The following LIMS1 variants were observed in gnomAD, a reference collection of about 807,000 sequenced individuals.
The protein encoded by LIMS1 is LIM zinc finger domain containing 1.
A neutral mutation model predicts 44.1 loss-of-function variants in LIMS1; 18 were observed. The observed-to-expected ratio is 0.41, with a 90% confidence interval of 0.28 to 0.61. The LOEUF is 0.61. Among genes scored for constraint, LIMS1 ranks in the 20% least tolerant of loss-of-function variants. The pLI, the probability that LIMS1 is intolerant of heterozygous loss-of-function variation, is 0.32. For synonymous variants in LIMS1, 93 were observed against 149.1 expected, an observed-to-expected ratio of 0.62 and a Z score of 2.74; for missense variants, 201 against 422.0, an observed-to-expected ratio of 0.48 and a Z score of 4.59.
At chr2:108,561,117 G>A (rs985395966) in intron 1 of LIMS1, among the ~76,000 whole-genome samples, 1 of 152,214 alleles carries the variant, frequency 6.6e-6, no homozygotes, top group Non-Finnish European at 1.5e-5. Context: ...ACTCTCAGTT[G>A]TGTTGGTATT....
intron 1 of LIMS1, among the ~76,000 whole-genome samples, chr2:108,610,070 G>C (rs1687504921): frequency 6.6e-6 from 1 of 152,120 alleles, no homozygotes; most frequent in Admixed American, 6.5e-5. Flanking sequence ...GTGAACCTGG[G>C]AGGTGGAGCT....
intron 1 of LIMS1, chr2:108,621,548 T>C: frequency 1.1e-6 from 1 of 924,288 alleles, no homozygotes; most frequent in Non-Finnish European, 1.7e-6. Flanking sequence ...GATGCAGCGT[T>C]GGGAAGTACT....
At chr2:108,674,719 C>CAAA (rs59992301) in intron 5 of LIMS1, among the ~76,000 whole-genome samples, 9 of 43,776 alleles carry the variant, frequency 2.1e-4, no homozygotes, top group Admixed American at 7.1e-4. Context: ...AGACTCGTCT[C>CAAA]AAAAAAAAAA....
chr2:108,649,427 A>G (rs1460955147), intron 1 of LIMS1, among the ~76,000 whole-genome samples: 1 of 152,222 alleles, frequency 6.6e-6, no homozygotes, highest in Non-Finnish European at 1.5e-5. Context: ...CGATTCCTCA[A>G]GGATCTAGAA....
At chr2:108,610,497 A>G (rs1687541699) in intron 1 of LIMS1, among the ~76,000 whole-genome samples, 1 of 152,078 alleles carries the variant, frequency 6.6e-6, no homozygotes, top group South Asian at 2.1e-4. Context: ...AGGTCATTTC[A>G]TCCCAAAATA....
chr2:108,676,113 TCAGGG>T, intron 6 of LIMS1, 85 bp downstream of exon 6: 1 of 1,455,012 alleles, frequency 6.9e-7, no homozygotes, highest in African/African-American at 1.4e-5. Flanking sequence ...CTCCCATGAT[TCAGGG>T]GTAACCAGTA....
intron 1 of LIMS1, among the ~76,000 whole-genome samples, chr2:108,647,942 A>G (rs1321788148): frequency 6.6e-6 from 1 of 152,230 alleles, no homozygotes; most frequent in African/African-American, 2.4e-5. Flanking sequence ...CCTATTCAAC[A>G]TAGTATTAGA....
At chr2:108,611,582 A>G (rs1249644310) in intron 1 of LIMS1, among the ~76,000 whole-genome samples, 2 of 152,080 alleles carry the variant, frequency 1.3e-5, no homozygotes, top group Non-Finnish European at 1.5e-5. Context: ...TTGATCAATC[A>G]AAAATATTGG....
chr2:108,555,972 G>T (rs947327407), intron 1 of LIMS1, among the ~76,000 whole-genome samples: 14 of 149,118 alleles, frequency 9.4e-5, no homozygotes, highest in Non-Finnish European at 1.5e-4. Context: ...AATTATCCTG[G>T]TTTTTTTTTT....
intron 1 of LIMS1, among the ~76,000 whole-genome samples, chr2:108,543,095 C>T (rs1406045509): frequency 6.6e-6 from 1 of 152,150 alleles, no homozygotes; most frequent in Non-Finnish European, 1.5e-5. Flanking sequence ...AATATTGTAG[C>T]TTTGTGTGTA....
At position 108,584,942 on chromosome 2, in the gene LIMS1, A is replaced by G. The variant is rs140939004; in HGVS notation, c.32+50348A>G. Among the ~76,000 whole-genome samples, 47 of 152,170 alleles carry G rather than the reference A, an allele frequency of 3.1e-4. 1 individual carries two copies. The East Asian group carries it at 9.1e-3, about 29-fold the overall frequency. On this transcript the variant is annotated intron_variant, in intron 1 of 9. Transcript: ENST00000544547. Reference sequence around the variant, plus strand: ...CAAGATGGGCAGATCATTTGAGGTCAGGAGTTCGACACCAGCCTGGCAACA... The same window carrying G: ...CAAGATGGGCAGATCATTTGAGGTCGGGAGTTCGACACCAGCCTGGCAACA...
At chr2:108,630,679 A>G (rs1688863936) in intron 1 of LIMS1, among the ~76,000 whole-genome samples, 1 of 147,576 alleles carries the variant, frequency 6.8e-6, no homozygotes, top group Non-Finnish European at 1.5e-5. Flanking sequence ...CATCTATCCC[A>G]GTAGTCAGGA....
At chr2:108,601,405 A>T (rs1687008928) in intron 1 of LIMS1, among the ~76,000 whole-genome samples, 1 of 152,160 alleles carries the variant, frequency 6.6e-6, no homozygotes, top group Non-Finnish European at 1.5e-5. Context: ...CTGTTTTCGT[A>T]ACAAGTTGTT....
chr2:108,541,532 CAT>C (rs1483326710), intron 1 of LIMS1, among the ~76,000 whole-genome samples: 1 of 152,344 alleles, frequency 6.6e-6, no homozygotes. Flanking sequence ...ACTTTGGTCA[CAT>C]GTTTTCAAAA....
chr2:108,664,860 GTCC>G (rs1325258324), intron 2 of LIMS1, among the ~76,000 whole-genome samples: 15 of 152,126 alleles, frequency 9.9e-5, no homozygotes, highest in Non-Finnish European at 1.8e-4. Flanking sequence ...CTATTTCTAA[GTCC>G]TCCTATTCTG....
chr2:108,667,538 T>TAAAA (rs546617468), intron 2 of LIMS1, among the ~76,000 whole-genome samples: 2 of 128,540 alleles, frequency 1.6e-5, no homozygotes, highest in South Asian at 2.5e-4. Flanking sequence ...CAACCTTTTT[T>TAAAA]AAAAAAAAAA....
chr2:108,541,400 G>A (rs1398673666), intron 1 of LIMS1, among the ~76,000 whole-genome samples: 2 of 152,222 alleles, frequency 1.3e-5, no homozygotes, highest in African/African-American at 4.8e-5. Context: ...TTTTGCCACA[G>A]CTAGCTGTTT....
intron 5 of LIMS1, among the ~76,000 whole-genome samples, chr2:108,675,381 C>G (rs1294967904): frequency 6.6e-6 from 1 of 152,060 alleles, no homozygotes; most frequent in Non-Finnish European, 1.5e-5. Flanking sequence ...ATAAGGAACC[C>G]ACCCCCTCAG....
intron 1 of LIMS1, among the ~76,000 whole-genome samples, chr2:108,549,543 C>A (rs751704288): frequency 1.3e-5 from 2 of 151,670 alleles, no homozygotes; most frequent in Non-Finnish European, 2.9e-5. Context: ...CATTAGGAGG[C>A]AATGCAGGAA....
Sources: allele counts gnomAD v4.1 joint callset (sites outside exome capture counted in the v4.1 genomes callset), GRCh38; gene constraint gnomAD v4.1.1; transcripts MANE v1.5; gene names NCBI Gene and HGNC (gene_info 2026-07-23, HGNC 2026-07-21).